The following GALNT2 variants were observed in gnomAD, a reference collection of about 807,000 sequenced individuals.
GALNT2 encodes the protein polypeptide N-acetylgalactosaminyltransferase 2.
A neutral mutation model predicts 81.4 loss-of-function variants in GALNT2; 31 were observed. The ratio of observed to expected loss-of-function variants is 0.38; its 90% CI spans 0.29 to 0.51. GALNT2 has a LOEUF of 0.51. Among genes scored for constraint, GALNT2 ranks in the 20% least tolerant of loss-of-function variants. The pLI, the probability that GALNT2 is intolerant of heterozygous loss-of-function variation, is 0.87. For missense variants in GALNT2, 629 were observed against 765.7 expected, an observed-to-expected ratio of 0.82 and a Z score of 2.11; for synonymous variants, 303 against 287.4, an observed-to-expected ratio of 1.05 and a Z score of -0.55.
chr1:230,247,235 A>G (rs1393146979), intron 8 of GALNT2, among the ~76,000 whole-genome samples: 2 of 152,108 alleles, frequency 1.3e-5, no homozygotes, highest in Non-Finnish European at 2.9e-5. Flanking sequence ...ACACACACAT[A>G]TGTGTGCAAG....
chr1:230,195,438 A>C (rs1229080253), intron 2 of GALNT2, among the ~76,000 whole-genome samples: 1 of 151,890 alleles, frequency 6.6e-6, no homozygotes. Context: ...TTGCAGAGAG[A>C]GGAGAAAGAA....
intron 1 of GALNT2, among the ~76,000 whole-genome samples, chr1:230,153,357 G>A (rs1389166093): frequency 3.3e-5 from 5 of 152,206 alleles, no homozygotes; most frequent in Non-Finnish European, 7.3e-5. Flanking sequence ...GAGTGTTTCT[G>A]TAGTCAGACT....
chr1:230,131,943 G>A (rs1884577), intron 1 of GALNT2, among the ~76,000 whole-genome samples: 120,798 of 152,116 alleles, frequency 0.79, 48,766 homozygotes, highest in African/African-American at 0.95. Context: ...GTTAGTAACA[G>A]TATGAACCTG....
At chr1:230,169,253 C>T (rs1356426923) in intron 1 of GALNT2, among the ~76,000 whole-genome samples, 1 of 152,170 alleles carries the variant, frequency 6.6e-6, no homozygotes, top group Non-Finnish European at 1.5e-5. Context: ...GTTTAATGTT[C>T]TTAATGATGG....
In GALNT2 at chr1:230,114,236, G is replaced by A. The variant is rs184758122; in HGVS notation, c.126+46830G>A. Among the ~76,000 whole-genome samples, 113 of 152,194 alleles carry A rather than the reference G, an allele frequency of 7.4e-4. 2 individuals carry two copies. The South Asian group carries it at 0.016, about 21-fold the overall frequency. On this transcript the variant is annotated intron_variant, in intron 1 of 15. Transcript: ENST00000366672. The stretch of plus-strand genomic sequence containing the variant: ...TTCAGTTCGTCTTCCTGGTGTTTCC[G>A]CGCCTCATTCTAGGGGGAGGTTTAG...
rs183271716 is a variant in GALNT2, at chr1:230,157,656, T to C, written c.127-20562T>C. On this transcript the variant is annotated intron_variant, in intron 1 of 15. Transcript: ENST00000366672. The stretch of plus-strand genomic sequence containing the variant: ...GCATGTGGCGGGATACCTCCTGCAG[T>C]GGAAAGGAGACAAGCACGGTTCACA... 2.8e-4 allele frequency among the ~76,000 whole-genome samples: 42 copies of C among 152,276 alleles called. No individual in the cohort carries two copies. The East Asian group carries it at 8.1e-3, about 29-fold the overall frequency.
At chr1:230,226,107 T>C (rs1042543115) in intron 3 of GALNT2, among the ~76,000 whole-genome samples, 5 of 152,234 alleles carry the variant, frequency 3.3e-5, no homozygotes, top group Non-Finnish European at 7.3e-5. Flanking sequence ...TGCGGTTGGC[T>C]CTAGCCTGGC....
chr1:230,136,925 G>A (rs568024512), intron 1 of GALNT2, among the ~76,000 whole-genome samples: 17 of 152,210 alleles, frequency 1.1e-4, no homozygotes, highest in South Asian at 2.1e-4. Flanking sequence ...TCTGCTTCAC[G>A]GATGCTTTCA....
chr1:230,089,979 A>G (rs1176815333), intron 1 of GALNT2, among the ~76,000 whole-genome samples: 1 of 152,098 alleles, frequency 6.6e-6, no homozygotes, highest in Non-Finnish European at 1.5e-5. Flanking sequence ...ACTGCTTTCC[A>G]CAGTGACTAC....
chr1:230,277,403 G>A (rs1666329957), intron 15 of GALNT2, among the ~76,000 whole-genome samples: 2 of 152,178 alleles, frequency 1.3e-5, no homozygotes, highest in Non-Finnish European at 2.9e-5. Flanking sequence ...TCCCTCCAGT[G>A]GCCAGAATCA....
intron 15 of GALNT2, among the ~76,000 whole-genome samples, chr1:230,276,674 C>T (rs1217948233): frequency 6.6e-6 from 1 of 152,230 alleles, no homozygotes; most frequent in Non-Finnish European, 1.5e-5. Context: ...AGAGTCCCAG[C>T]CTGTCCTGGC....
At chr1:230,200,809 T>C (rs1475031629) in intron 2 of GALNT2, among the ~76,000 whole-genome samples, 1 of 152,220 alleles carries the variant, frequency 6.6e-6, no homozygotes, top group Non-Finnish European at 1.5e-5. Flanking sequence ...GGTGGTGGTC[T>C]CTTCTCTGGC....
Position 230,070,744 on chromosome 1 carries a change from G to A in GALNT2, c.126+3338G>A, listed in dbSNP as rs1457745540. On this transcript the variant is annotated intron_variant, in intron 1 of 15. Coordinates refer to ENST00000366672, the MANE Select transcript of GALNT2 (RefSeq NM_004481.5). The surrounding 1 kb of genome is among the most constrained non-coding windows in gnomAD (Gnocchi z 4.7). ...TCTTGGAACAGTGAAGGACCTTGCC[G>A]GGCTAGACCATGGTACACATGGAGG... is the stretch of plus-strand genomic sequence containing the variant. 1.3e-5 allele frequency among the ~76,000 whole-genome samples: 2 copies of A among 152,198 alleles called. No homozygotes were observed. The highest frequency in any genetic ancestry group is 2.9e-5 in the Non-Finnish European group (2 of 68,040).
intron 1 of GALNT2, among the ~76,000 whole-genome samples, chr1:230,061,083 C>A (rs911844432): frequency 6.6e-6 from 1 of 152,088 alleles, no homozygotes; most frequent in Non-Finnish European, 1.5e-5. Context: ...GATCTGGGTG[C>A]AAGGGGTGCT....
rs1438674274 is a variant in GALNT2, at chr1:230,067,379, G to GGGCGCGGGCGGC, written c.105_116dup (p.Gly37_Gly40dup). 7.7e-7 allele frequency: 1 copy of GGGCGCGGGCGGC among 1,290,930 alleles called. No homozygotes were observed. Among genetic ancestry groups the GGGCGCGGGCGGC allele is most frequent in the African/African-American group, 1.6e-5 (1 of 63,916 alleles). 80.0% of individuals were successfully genotyped at this position (1,290,930 alleles called of 1,614,324 possible). ...CGGGGGGCGGCTCTGCGCTGGCCGG[G>GGGCGCGGGCGGC]GGCGCGGGCGGCGGCGCCGGCAGGA... On this transcript the variant is annotated inframe_insertion, in exon 1 of 16. Transcript: ENST00000366672.
intron 3 of GALNT2, among the ~76,000 whole-genome samples, chr1:230,203,868 A>T (rs763760251): frequency 6.6e-6 from 1 of 152,200 alleles, no homozygotes; most frequent in African/African-American, 2.4e-5. Context: ...TCTATCACCC[A>T]GGTTGGAATG....
chr1:230,125,309 G>C (rs1377540580), intron 1 of GALNT2, among the ~76,000 whole-genome samples: 1 of 152,198 alleles, frequency 6.6e-6, no homozygotes, highest in African/African-American at 2.4e-5. Flanking sequence ...GAGAAGGGAG[G>C]GGGCTGTGGG....
At chr1:230,067,608 G>T (rs1659236975) in intron 1 of GALNT2, among the ~76,000 whole-genome samples, 1 of 151,682 alleles carries the variant, frequency 6.6e-6, no homozygotes, top group African/African-American at 2.4e-5. Flanking sequence ...CTCCGAAAGG[G>T]CGGCCCCCGC....
chr1:230,095,171 T>G (rs1266116523), intron 1 of GALNT2, among the ~76,000 whole-genome samples: 1 of 152,064 alleles, frequency 6.6e-6, no homozygotes. Context: ...TAGTGCAGAA[T>G]GTGGGCAGTG....
Sources: allele counts gnomAD v4.1 joint callset (sites outside exome capture counted in the v4.1 genomes callset), GRCh38; gene constraint gnomAD v4.1.1; non-coding constraint Gnocchi (gnomAD v3.1); transcripts MANE v1.5; gene names NCBI Gene and HGNC (gene_info 2026-07-23, HGNC 2026-07-21).